TENM2: variants seen among roughly 807,000 people sequenced by gnomAD.
The protein encoded by TENM2 is teneurin transmembrane protein 2.
A neutral mutation model predicts 245.2 loss-of-function variants in TENM2; 52 were observed. The observed-to-expected ratio is 0.21, with a 90% confidence interval of 0.17 to 0.27. The LOEUF is 0.27. Ranked by LOEUF, TENM2 falls within the 10% of genes least tolerant of loss-of-function variation. TENM2 has a pLI of 1.00. For synonymous variants in TENM2, 1,363 were observed against 1,438.9 expected (o/e 0.95, Z 1.19); for missense variants, 3,046 against 3,666.8 (o/e 0.83, Z 4.37).
the TENM2 span, among the ~76,000 whole-genome samples, chr5:167,002,770 C>G: frequency 6.6e-6 from 1 of 151,760 alleles, no homozygotes; most frequent in Non-Finnish European, 1.5e-5. Flanking sequence ...GAGACTCTGT[C>G]TGTAAATAAT....
At chr5:167,501,947 CTA>C (rs1238558725) in intron 2 of TENM2, among the ~76,000 whole-genome samples, 1 of 151,602 alleles carries the variant, frequency 6.6e-6, no homozygotes, top group Non-Finnish European at 1.5e-5. Flanking sequence ...TAAAAAGAAA[CTA>C]TTTTTCTAAA....
At chr5:167,155,423 G>A in the TENM2 span, among the ~76,000 whole-genome samples, 2 of 152,160 alleles carry the variant, frequency 1.3e-5, no homozygotes, top group African/African-American at 4.8e-5. Flanking sequence ...ACCTTTAAAT[G>A]CACTAGTGTG....
At chr5:167,357,821 A>G (rs1056004951) in intron 1 of TENM2, among the ~76,000 whole-genome samples, 2 of 152,096 alleles carry the variant, frequency 1.3e-5, no homozygotes, top group African/African-American at 2.4e-5. Context: ...ACTCTTCCAG[A>G]TGTTGCTTCT....
chr5:167,248,001 T>A, the TENM2 span, among the ~76,000 whole-genome samples: 1 of 152,102 alleles, frequency 6.6e-6, no homozygotes. Flanking sequence ...CAAAACCAGA[T>A]GACAGATACA....
At chr5:167,608,148 A>G (rs1253077946) in intron 2 of TENM2, among the ~76,000 whole-genome samples, 2 of 152,096 alleles carry the variant, frequency 1.3e-5, no homozygotes, top group East Asian at 3.9e-4. Flanking sequence ...TATTGTCAAT[A>G]TTTTACTTAT....
In TENM2 at chr5:167,290,887, TAA is replaced by T. The variant is rs565144782; in HGVS notation, c.226+5825_226+5826del. Among the ~76,000 whole-genome samples, 344 of 152,328 alleles carry T rather than the reference TAA, an allele frequency of 2.3e-3. 2 individuals carry two copies. Among genetic ancestry groups the T allele is most frequent in the Non-Finnish European group, 6.0e-4 (41 of 68,036 alleles). On this transcript the variant is annotated intron_variant, in intron 1 of 28. Transcript: ENST00000518659. ...TCCATACATATTTCAGAAATGAGTTTAAGAGTAGATTTAATCCATATAAATGC... is the reference window on the plus strand; with the variant it reads ...TCCATACATATTTCAGAAATGAGTTTGAGTAGATTTAATCCATATAAATGC...
chr5:167,914,093 G>A (rs989918388), intron 3 of TENM2, among the ~76,000 whole-genome samples: 5 of 152,180 alleles, frequency 3.3e-5, no homozygotes, highest in African/African-American at 1.2e-4. Context: ...GTCTTCCCCT[G>A]TCTTCCTATA....
At chr5:167,572,057 C>T (rs900279992) in intron 2 of TENM2, among the ~76,000 whole-genome samples, 2 of 152,204 alleles carry the variant, frequency 1.3e-5, no homozygotes, top group Non-Finnish European at 2.9e-5. Context: ...GTGTGTTCTC[C>T]ATTCTCTGCT....
intron 5 of TENM2, among the ~76,000 whole-genome samples, chr5:168,013,449 CA>C (rs1189259882): frequency 6.6e-6 from 1 of 152,000 alleles, no homozygotes; most frequent in African/African-American, 2.4e-5. Flanking sequence ...ACTAAATATA[CA>C]AAAATTAGCC....
the TENM2 span, among the ~76,000 whole-genome samples, chr5:167,201,755 C>T: frequency 6.6e-6 from 1 of 152,036 alleles, no homozygotes; most frequent in Non-Finnish European, 1.5e-5. Flanking sequence ...GATTAGTCTC[C>T]ATTTTCTTTT....
chr5:168,240,061 A>C (rs1581735403), intron 25 of TENM2, among the ~76,000 whole-genome samples: 1 of 152,168 alleles, frequency 6.6e-6, no homozygotes, highest in Non-Finnish European at 1.5e-5. Flanking sequence ...CTACTAAAAA[A>C]ATGTAAAAAT....
rs1011263359 is a variant in TENM2, at chr5:167,374,346, A to G, written c.227-852A>G. 1.9e-4 allele frequency among the ~76,000 whole-genome samples: 29 copies of G among 152,204 alleles called. 1 individual carries two copies. The highest frequency in any genetic ancestry group is 6.3e-4 in the African/African-American group (26 of 41,458). ...TAAGCCTAGGTGTGTAATAGGCTAG[A>G]CCATCTAGGTTTGTGTAAGTCACTC... On this transcript the variant is annotated intron_variant, in intron 1 of 28. Coordinates refer to ENST00000518659, the Ensembl canonical transcript of TENM2.
chr5:167,506,292 T>C (rs1769542148), intron 2 of TENM2, among the ~76,000 whole-genome samples: 1 of 152,184 alleles, frequency 6.6e-6, no homozygotes, highest in African/African-American at 2.4e-5. Context: ...CAATGAGAAA[T>C]GTGCAAATAA....
At chr5:167,431,940 C>CATATATATACAT (rs1189670905) in intron 2 of TENM2, among the ~76,000 whole-genome samples, 2 of 65,856 alleles carry the variant, frequency 3.0e-5, no homozygotes, top group African/African-American at 1.2e-4. Context: ...TATATATATA[C>CATATATATACAT]ATATATATGT....
At chr5:167,276,352 TTGTG>T in the TENM2 span, among the ~76,000 whole-genome samples, 317 of 34,220 alleles carry the variant, frequency 9.3e-3, 2 homozygotes, top group Middle Eastern at 0.13. Flanking sequence ...CCTGTTCATT[TTGTG>T]TGTGTGTGTG....
At chr5:168,095,866 G>A (rs1793324254) in intron 8 of TENM2, among the ~76,000 whole-genome samples, 1 of 152,114 alleles carries the variant, frequency 6.6e-6, no homozygotes, top group South Asian at 2.1e-4. Context: ...ATTACTCAGA[G>A]CAATGCAATA....
chr5:168,135,533 T>A (rs1175084234), intron 12 of TENM2, among the ~76,000 whole-genome samples: 1 of 152,186 alleles, frequency 6.6e-6, no homozygotes, highest in East Asian at 1.9e-4. Flanking sequence ...ATTGTTATAA[T>A]CAGACCCACA....
intron 2 of TENM2, among the ~76,000 whole-genome samples, chr5:167,586,222 G>C (rs146264431): frequency 6.6e-6 from 1 of 152,184 alleles, no homozygotes; most frequent in Non-Finnish European, 1.5e-5. Context: ...ATTATATTAG[G>C]TATTACAAGT....
At chr5:167,273,651 A>G in the TENM2 span, among the ~76,000 whole-genome samples, 6 of 152,156 alleles carry the variant, frequency 3.9e-5, no homozygotes, top group African/African-American at 1.2e-4. Context: ...GATCCTTTCT[A>G]GGAGCCACCA....
Sources: allele counts gnomAD v4.1 joint callset (sites outside exome capture counted in the v4.1 genomes callset), GRCh38; gene constraint gnomAD v4.1.1; transcripts MANE v1.5; gene names NCBI Gene and HGNC (gene_info 2026-07-23, HGNC 2026-07-21).